JARID2: variants seen among roughly 807,000 people sequenced by gnomAD.
JARID2 encodes the protein jumonji and AT-rich interaction domain containing 2, also known as protein Jumonji.
Under a neutral mutation model 125.6 loss-of-function variants are expected in JARID2, and 21 were observed. The ratio of observed to expected loss-of-function variants is 0.17; its 90% CI spans 0.12 to 0.24. The LOEUF is 0.24. Among genes scored for constraint, JARID2 ranks in the 10% least tolerant of loss-of-function variants. The pLI is 1.00. For missense variants in JARID2, 1,303 were observed against 1,639.6 expected, an observed-to-expected ratio of 0.79 and a Z score of 3.55; for synonymous variants, 736 against 661.6, an observed-to-expected ratio of 1.11 and a Z score of -1.73.
chr6:15,303,484 C>G (rs182265792), intron 1 of JARID2, among the ~76,000 whole-genome samples: 2 of 152,248 alleles, frequency 1.3e-5, no homozygotes, highest in Non-Finnish European at 2.9e-5. Flanking sequence ...CTGGCCTTCC[C>G]TCTTTGGTGG....
intron 6 of JARID2, 101 bp downstream of exon 6, chr6:15,487,643 G>GGT (rs2127718063): frequency 9.4e-7 from 1 of 1,067,392 alleles, no homozygotes; most frequent in East Asian, 2.6e-5. Flanking sequence ...AGAAGCAGGA[G>GGT]GTGATGCCCA....
At chr6:15,273,930 CTTT>C (rs71758457) in intron 1 of JARID2, among the ~76,000 whole-genome samples, 13 of 141,810 alleles carry the variant, frequency 9.2e-5, no homozygotes, top group East Asian at 2.1e-4. Flanking sequence ...TTGTCTATAT[CTTT>C]TTTTTTTTTT....
intron 1 of JARID2, among the ~76,000 whole-genome samples, chr6:15,370,919 CA>C (rs1240454320): frequency 6.6e-6 from 1 of 152,194 alleles, no homozygotes; most frequent in Non-Finnish European, 1.5e-5. Context: ...CTCTTGTGAA[CA>C]GCACTGAGTC....
At chr6:15,272,487 T>C (rs9464781) in intron 1 of JARID2, among the ~76,000 whole-genome samples, 58,033 of 152,080 alleles carry the variant, frequency 0.38, 11,296 homozygotes, top group South Asian at 0.53. Context: ...ATTGATTGAA[T>C]GTATACCTAC....
At position 15,414,544 on chromosome 6, in the gene JARID2, C is replaced by T. The variant is rs3842140; in HGVS notation, c.323+4179C>T. 2.2e-3 allele frequency among the ~76,000 whole-genome samples: 334 copies of T among 151,300 alleles called. 1 individual carries two copies. The highest frequency in any genetic ancestry group is 7.2e-3 in the African/African-American group (297 of 41,246). On this transcript the variant is annotated intron_variant, in intron 3 of 17. Transcript: ENST00000341776. ...CTACAACAACAACAAAACTCAAAAC[C>T]GGTATATTTTTACCTAGCCATTGAA...
At chr6:15,480,526 T>A (rs1043633284) in intron 5 of JARID2, among the ~76,000 whole-genome samples, 1 of 152,130 alleles carries the variant, frequency 6.6e-6, no homozygotes, top group Non-Finnish European at 1.5e-5. Context: ...GATAGGGGCG[T>A]CTGGTTCTGG....
At chr6:15,482,032 G>A (rs1308375030) in intron 5 of JARID2, among the ~76,000 whole-genome samples, 2 of 152,186 alleles carry the variant, frequency 1.3e-5, no homozygotes, top group African/African-American at 4.8e-5. Context: ...AAAGAGTTGT[G>A]CATCTGGTTT....
chr6:15,248,716 C>T (rs144135052), intron 1 of JARID2: 4,561 of 164,908 alleles, frequency 0.028, 109 homozygotes, highest in Non-Finnish European at 0.043. Context: ...GGTTCCCCGA[C>T]GCTCCCGGCC....
intron 5 of JARID2, among the ~76,000 whole-genome samples, chr6:15,484,615 A>G (rs1460623618): frequency 6.6e-6 from 1 of 152,310 alleles, no homozygotes; most frequent in East Asian, 1.9e-4. Context: ...AACATCTGCT[A>G]TTCCCCAGTC....
chr6:15,392,077 T>TGTGC (rs1491286317), intron 2 of JARID2, among the ~76,000 whole-genome samples: 30 of 41,464 alleles, frequency 7.2e-4, no homozygotes, highest in African/African-American at 2.7e-3. Context: ...TGTGTGTGTG[T>TGTGC]GCGTGTCTGG....
At chr6:15,395,203 T>A (rs1765173043) in intron 2 of JARID2, among the ~76,000 whole-genome samples, 1 of 152,190 alleles carries the variant, frequency 6.6e-6, no homozygotes, top group African/African-American at 2.4e-5. Flanking sequence ...ACTAGCAGCA[T>A]ATGAGAGTAC....
chr6:15,340,617 T>C (rs150952127), intron 1 of JARID2, among the ~76,000 whole-genome samples: 2,557 of 152,326 alleles, frequency 0.017, 34 homozygotes, highest in Middle Eastern at 0.068. Context: ...GGGCAGACTT[T>C]TATTCATTCA....
intron 1 of JARID2, among the ~76,000 whole-genome samples, chr6:15,364,222 G>C (rs1763896355): frequency 6.6e-6 from 1 of 152,138 alleles, no homozygotes; most frequent in African/African-American, 2.4e-5. Flanking sequence ...GGAAGAAACA[G>C]CAGCACTAAC....
chr6:15,290,302 A>C (rs1260373567), intron 1 of JARID2, among the ~76,000 whole-genome samples: 2 of 152,310 alleles, frequency 1.3e-5, no homozygotes, highest in Non-Finnish European at 2.9e-5. Flanking sequence ...CTGGCTGATA[A>C]ACTTTAGATT....
At chr6:15,506,465 T>C (rs1351195326) in intron 9 of JARID2, among the ~76,000 whole-genome samples, 1 of 152,202 alleles carries the variant, frequency 6.6e-6, no homozygotes, top group Admixed American at 6.5e-5. Context: ...CTGGACCCTA[T>C]GATGCTGGGG....
intron 1 of JARID2, among the ~76,000 whole-genome samples, chr6:15,342,087 C>G (rs1345823503): frequency 6.6e-6 from 1 of 151,994 alleles, no homozygotes; most frequent in Admixed American, 6.6e-5. Flanking sequence ...TTTTTCTTCA[C>G]CAAGTTGGGT....
intron 2 of JARID2, among the ~76,000 whole-genome samples, chr6:15,407,029 T>G (rs912081118): frequency 6.6e-6 from 1 of 151,746 alleles, no homozygotes; most frequent in African/African-American, 2.4e-5. Flanking sequence ...GAGGTCGAAA[T>G]GGGCGAGGAT....
chr6:15,512,765 C>T (rs1475015138), intron 14 of JARID2, 150 bp from the exon 15 acceptor site: 3 of 848,254 alleles, frequency 3.5e-6, no homozygotes. Flanking sequence ...GCCTTTCTCA[C>T]AGGGAGGCAA....
intron 3 of JARID2, among the ~76,000 whole-genome samples, chr6:15,414,153 T>G (rs1217794529): frequency 6.6e-6 from 1 of 152,184 alleles, no homozygotes; most frequent in Admixed American, 6.5e-5. Flanking sequence ...TGAGAGGGAT[T>G]GTATGTGCTT....
Sources: allele counts gnomAD v4.1 joint callset (sites outside exome capture counted in the v4.1 genomes callset), GRCh38; gene constraint gnomAD v4.1.1; transcripts MANE v1.5; gene names NCBI Gene and HGNC (gene_info 2026-07-23, HGNC 2026-07-21).